PTPRG: variants seen among roughly 807,000 people sequenced by gnomAD.
PTPRG encodes receptor-type tyrosine-protein phosphatase gamma.
Under a neutral mutation model 165.3 loss-of-function variants are expected in PTPRG, and 102 were observed. That is an observed-to-expected ratio of 0.62 (90% confidence interval 0.53 to 0.73). The LOEUF (loss-of-function observed/expected upper bound fraction) is 0.73. Ranked by LOEUF, PTPRG falls within the 30% of genes least tolerant of loss-of-function variation. PTPRG has a pLI of 0.00. For missense variants in PTPRG, 1,866 were observed against 1,861.4 expected (o/e 1.00, Z -0.05); for synonymous variants, 675 against 669.5 (o/e 1.01, Z -0.13).
chr3:61,958,899 G>A (rs1319971014), intron 2 of PTPRG, among the ~76,000 whole-genome samples: 25 of 152,158 alleles, frequency 1.6e-4, no homozygotes, highest in Non-Finnish European at 1.5e-5. Context: ...GTTCTTTGGA[G>A]AATACAAGGA....
intron 1 of PTPRG, among the ~76,000 whole-genome samples, chr3:61,691,517 T>C (rs2030214734): frequency 1.3e-5 from 2 of 152,188 alleles, no homozygotes; most frequent in Admixed American, 1.3e-4. Context: ...TATATCTCTG[T>C]GTGTGTCTGT....
At chr3:62,125,205 G>A (rs1007076660) in intron 5 of PTPRG, among the ~76,000 whole-genome samples, 5 of 152,082 alleles carry the variant, frequency 3.3e-5, no homozygotes, top group African/African-American at 4.8e-5. Context: ...GTCTTCCCCC[G>A]TTCCTAATAC....
At chr3:61,805,716 A>G (rs919540727) in intron 2 of PTPRG, among the ~76,000 whole-genome samples, 2 of 152,142 alleles carry the variant, frequency 1.3e-5, no homozygotes, top group African/African-American at 2.4e-5. Flanking sequence ...GTATGATGGT[A>G]TAAACTGCAA....
intron 15 of PTPRG, among the ~76,000 whole-genome samples, chr3:62,251,091 G>C (rs748496306): frequency 2.6e-5 from 4 of 152,102 alleles, no homozygotes; most frequent in Non-Finnish European, 5.9e-5. Flanking sequence ...TGAAAATTTT[G>C]TAAGTACAAA....
intron 4 of PTPRG, among the ~76,000 whole-genome samples, chr3:62,058,067 C>T (rs1450015584): frequency 6.6e-6 from 1 of 152,180 alleles, no homozygotes; most frequent in African/African-American, 2.4e-5. Context: ...CTACCAGAGA[C>T]CTCTTTGAAA....
intron 2 of PTPRG, among the ~76,000 whole-genome samples, chr3:61,838,387 C>T (rs1409427208): frequency 6.6e-6 from 1 of 152,104 alleles, no homozygotes; most frequent in Non-Finnish European, 1.5e-5. Flanking sequence ...TTGAAAGGTC[C>T]CTTTTGGATT....
At chr3:62,251,569 G>C (rs1701419659) in intron 15 of PTPRG, among the ~76,000 whole-genome samples, 1 of 152,138 alleles carries the variant, frequency 6.6e-6, no homozygotes, top group Non-Finnish European at 1.5e-5. Flanking sequence ...TCAGGAGTTT[G>C]AGGTGGCAGT....
At chr3:61,700,117 CA>C (rs1207512822) in intron 1 of PTPRG, among the ~76,000 whole-genome samples, 6 of 152,134 alleles carry the variant, frequency 3.9e-5, no homozygotes, top group Non-Finnish European at 8.8e-5. Context: ...GAGGAGGTTT[CA>C]TGCCCAAAGT....
intron 4 of PTPRG, among the ~76,000 whole-genome samples, chr3:62,008,819 T>A (rs2041354574): frequency 6.6e-6 from 1 of 152,194 alleles, no homozygotes; most frequent in South Asian, 2.1e-4. Context: ...TATGAGAATG[T>A]ACTGCTGCTG....
intron 2 of PTPRG, among the ~76,000 whole-genome samples, chr3:61,806,791 A>G (rs1412015761): frequency 6.6e-6 from 1 of 152,232 alleles, no homozygotes; most frequent in African/African-American, 2.4e-5. Context: ...AGTGTCTACA[A>G]TCTATCTGAT....
chr3:62,174,066 G>T (rs761258957), intron 8 of PTPRG, among the ~76,000 whole-genome samples: 1 of 152,168 alleles, frequency 6.6e-6, no homozygotes, highest in African/African-American at 2.4e-5. Context: ...TCTGCCCTTT[G>T]TCGGCAAATA....
chr3:61,710,391 A>G (rs1355923411), intron 1 of PTPRG, among the ~76,000 whole-genome samples: 1 of 152,132 alleles, frequency 6.6e-6, no homozygotes, highest in Non-Finnish European at 1.5e-5. Flanking sequence ...AGTGCGTACA[A>G]TAGTTCTATG....
At chr3:61,738,309 T>TAC (rs1266320083) in intron 1 of PTPRG, among the ~76,000 whole-genome samples, 6 of 100,048 alleles carry the variant, frequency 6.0e-5, no homozygotes, top group Non-Finnish European at 1.0e-4. Flanking sequence ...TATATATATA[T>TAC]ATACATATAT....
chr3:62,265,837 C>A (rs992146835), intron 17 of PTPRG, among the ~76,000 whole-genome samples: 1 of 133,744 alleles, frequency 7.5e-6, no homozygotes, highest in African/African-American at 2.8e-5. Flanking sequence ...CTTATATATA[C>A]ATACATACAT....
chr3:61,898,335 G>A lies in PTPRG; in HGVS notation c.191-91290G>A, dbSNP rs537907004. 3.9e-4 allele frequency among the ~76,000 whole-genome samples: 59 copies of A among 152,156 alleles called. 1 individual carries two copies. Among genetic ancestry groups the A allele is most frequent in the Non-Finnish European group, 4.3e-4 (29 of 67,982 alleles). On this transcript the variant is annotated intron_variant, in intron 2 of 29. Transcript: ENST00000474889. ...CTTCCAAAGTGCTGGGATTACAGGT[G>A]TGAGCCACCATGCCTGGCTGTATAC...
intron 5 of PTPRG, among the ~76,000 whole-genome samples, chr3:62,127,173 A>AT (rs1291892367): frequency 1.3e-5 from 2 of 152,270 alleles, no homozygotes; most frequent in African/African-American, 2.4e-5. Context: ...GAAGCCAGGC[A>AT]GTGATCTCTT....
Position 62,088,253 on chromosome 3 carries a change from C to G in PTPRG, c.615+9995C>G, listed in dbSNP as rs535770555. 1.4e-3 allele frequency among the ~76,000 whole-genome samples: 207 copies of G among 152,292 alleles called. 1 individual carries two copies. The highest frequency in any genetic ancestry group is 1.6e-3 in the Non-Finnish European group (111 of 68,028). On this transcript the variant is annotated intron_variant, in intron 5 of 29. Coordinates refer to ENST00000474889, the MANE Select transcript of PTPRG (RefSeq NM_002841.4). ...CAGTGCACAGGAGAGTCCTCCACAA[C>G]CAACAGTTAGCAGCCCAAAATGTCT... is the stretch of plus-strand genomic sequence containing the variant.
intron 2 of PTPRG, among the ~76,000 whole-genome samples, chr3:61,884,031 C>G (rs747437131): frequency 3.9e-5 from 6 of 152,136 alleles, no homozygotes; most frequent in Non-Finnish European, 2.9e-5. Flanking sequence ...GTTTTCTTTG[C>G]TTACAAGCTT....
intron 1 of PTPRG, among the ~76,000 whole-genome samples, chr3:61,643,338 A>G (rs12495500): frequency 3.9e-5 from 6 of 152,302 alleles, no homozygotes; most frequent in Admixed American, 1.3e-4. Flanking sequence ...TGATCTCCAT[A>G]TGTACCTTAT....
Sources: allele counts gnomAD v4.1 joint callset (sites outside exome capture counted in the v4.1 genomes callset), GRCh38; gene constraint gnomAD v4.1.1; transcripts MANE v1.5; gene names NCBI Gene and HGNC (gene_info 2026-07-23, HGNC 2026-07-21).